SLC24A2: variants seen among roughly 807,000 people sequenced by gnomAD.
SLC24A2 encodes the protein solute carrier family 24 member 2, also known as sodium/potassium/calcium exchanger 2.
SLC24A2 carries 36 observed loss-of-function variants against 62.0 expected under a neutral mutation model. That is an observed-to-expected ratio of 0.58 (90% confidence interval 0.44 to 0.77). The LOEUF is 0.77. Ranked by LOEUF, SLC24A2 falls within the 30% of genes least tolerant of loss-of-function variation. SLC24A2 has a pLI of 0.00. For synonymous variants in SLC24A2, 358 were observed against 294.0 expected, an observed-to-expected ratio of 1.22 and a Z score of -2.23; for missense variants, 846 against 817.9, an observed-to-expected ratio of 1.03 and a Z score of -0.42.
the SLC24A2 span, among the ~76,000 whole-genome samples, chr9:19,810,596 A>T: frequency 6.6e-6 from 1 of 152,190 alleles, no homozygotes; most frequent in South Asian, 2.1e-4. Context: ...GTGTTCCAAG[A>T]TGCTAACTTA....
the SLC24A2 span, among the ~76,000 whole-genome samples, chr9:20,128,307 G>C: frequency 6.6e-6 from 1 of 152,234 alleles, no homozygotes; most frequent in South Asian, 2.1e-4. Context: ...AATGTTGCCA[G>C]ATGAGAGACA....
At chr9:19,932,739 T>C in the SLC24A2 span, among the ~76,000 whole-genome samples, 1 of 152,304 alleles carries the variant, frequency 6.6e-6, no homozygotes, top group African/African-American at 2.4e-5. Flanking sequence ...ACACCTACAA[T>C]ACCCTCTCTT....
At chr9:19,621,409 C>T (rs188058472) in intron 3 of SLC24A2, among the ~76,000 whole-genome samples, 1 of 152,276 alleles carries the variant, frequency 6.6e-6, no homozygotes, top group East Asian at 1.9e-4. Context: ...CTGAGCATTA[C>T]AGGAGGAAGG....
chr9:19,559,877 T>C (rs1835305830), intron 7 of SLC24A2, among the ~76,000 whole-genome samples: 1 of 152,166 alleles, frequency 6.6e-6, no homozygotes, highest in Non-Finnish European at 1.5e-5. Flanking sequence ...ACTACAAAAA[T>C]AGAACATTAT....
chr9:19,733,839 G>A (rs1821415501), intron 2 of SLC24A2, among the ~76,000 whole-genome samples: 1 of 152,080 alleles, frequency 6.6e-6, no homozygotes. Context: ...TGTGAACAAG[G>A]TAGAAAACTC....
chr9:19,612,764 C>T (rs192909524), intron 4 of SLC24A2, among the ~76,000 whole-genome samples: 6 of 152,328 alleles, frequency 3.9e-5, no homozygotes, highest in South Asian at 2.1e-4. Flanking sequence ...GTAGTCCCAC[C>T]TACTCAGGAG....
At chr9:19,703,259 G>C (rs890986903) in intron 2 of SLC24A2, among the ~76,000 whole-genome samples, 2 of 152,178 alleles carry the variant, frequency 1.3e-5, no homozygotes, top group Non-Finnish European at 2.9e-5. Flanking sequence ...AGATGATAAA[G>C]CTAGGGCTCA....
chr9:19,572,348 T>G (rs1371289046), intron 7 of SLC24A2, among the ~76,000 whole-genome samples: 1 of 152,116 alleles, frequency 6.6e-6, no homozygotes, highest in Non-Finnish European at 1.5e-5. Context: ...TGATATGGTT[T>G]GGCTCTGTGT....
chr9:19,741,277 C>T (rs1378766772), intron 2 of SLC24A2, among the ~76,000 whole-genome samples: 1 of 152,118 alleles, frequency 6.6e-6, no homozygotes, highest in Non-Finnish European at 1.5e-5. Context: ...CTTTCCGGTT[C>T]TGCCAAAAAG....
At chr9:19,656,945 C>A (rs945742269) in intron 2 of SLC24A2, among the ~76,000 whole-genome samples, 1 of 152,184 alleles carries the variant, frequency 6.6e-6, no homozygotes, top group African/African-American at 2.4e-5. Context: ...GGTGACACTC[C>A]CTCTGGTCCT....
intron 7 of SLC24A2, among the ~76,000 whole-genome samples, chr9:19,569,953 C>T (rs2132835278): frequency 6.6e-6 from 1 of 152,288 alleles, no homozygotes; most frequent in Non-Finnish European, 1.5e-5. Context: ...GAGGCCTTCC[C>T]TCATCTCCCA....
chr9:19,548,173 G>A (rs1250516106), intron 8 of SLC24A2, among the ~76,000 whole-genome samples: 1 of 150,600 alleles, frequency 6.6e-6, no homozygotes, highest in Non-Finnish European at 1.5e-5. Flanking sequence ...TTTTTCTTCT[G>A]TCTTTTTCAA....
At chr9:20,079,447 T>A in the SLC24A2 span, among the ~76,000 whole-genome samples, 1 of 152,342 alleles carries the variant, frequency 6.6e-6, no homozygotes, top group East Asian at 1.9e-4. Context: ...TGCTTTTCCT[T>A]TTGTTTAATG....
the SLC24A2 span, among the ~76,000 whole-genome samples, chr9:19,962,294 G>C: frequency 1.3e-5 from 2 of 152,174 alleles, no homozygotes; most frequent in Non-Finnish European, 2.9e-5. Flanking sequence ...AAGTCAGGTA[G>C]CGTGATGCCT....
chr9:19,835,139 C>T, the SLC24A2 span, among the ~76,000 whole-genome samples: 25 of 152,182 alleles, frequency 1.6e-4, no homozygotes, highest in African/African-American at 5.6e-4. Context: ...TTGTAAAGAC[C>T]ATCAAGGCTA....
At chr9:20,021,560 A>G in the SLC24A2 span, among the ~76,000 whole-genome samples, 1 of 151,878 alleles carries the variant, frequency 6.6e-6, no homozygotes, top group Non-Finnish European at 1.5e-5. Flanking sequence ...GGTCAAACAG[A>G]TGAGGCAACG....
the SLC24A2 span, among the ~76,000 whole-genome samples, chr9:19,966,821 A>G: frequency 6.6e-6 from 1 of 152,274 alleles, no homozygotes; most frequent in South Asian, 2.1e-4. Context: ...TTGAATATGA[A>G]CTCTTTCCTC....
the SLC24A2 span, among the ~76,000 whole-genome samples, chr9:20,258,835 GTCTA>G: frequency 3.6e-4 from 46 of 127,402 alleles, no homozygotes; most frequent in Middle Eastern, 0.011. Flanking sequence ...CTATCTATCT[GTCTA>G]TCTATCTATC....
At chr9:19,620,786 T>C (rs920896993) in intron 3 of SLC24A2, among the ~76,000 whole-genome samples, 2 of 152,202 alleles carry the variant, frequency 1.3e-5, no homozygotes, top group African/African-American at 4.8e-5. Context: ...AGGGAATTAA[T>C]TTCTTATTGA....
Sources: allele counts gnomAD v4.1 joint callset (sites outside exome capture counted in the v4.1 genomes callset), GRCh38; gene constraint gnomAD v4.1.1; transcripts MANE v1.5; gene names NCBI Gene and HGNC (gene_info 2026-07-23, HGNC 2026-07-21).